Variants in TSGA10IP observed in about 807,000 individuals in gnomAD.
TSGA10IP encodes testis specific 10 interacting protein.
A neutral mutation model predicts 63.2 loss-of-function variants in TSGA10IP; 64 were observed. The observed-to-expected ratio is 1.01, with a 90% CI of 0.83 to 1.25. The LOEUF is 1.25. TSGA10IP is among the 50% of genes most tolerant of loss of function. TSGA10IP has a pLI of 0.00. For synonymous variants in TSGA10IP, 316 were observed against 298.3 expected, an observed-to-expected ratio of 1.06 and a Z score of -0.61; for missense variants, 681 against 710.1, an observed-to-expected ratio of 0.96 and a Z score of 0.47.
exon 1 of TSGA10IP, chr11:65,945,750 CGTG>C: frequency 6.2e-7 from 1 of 1,613,078 alleles, no homozygotes; most frequent in Non-Finnish European, 8.5e-7. Context: ...CAGGGCAGGA[CGTG>C]CGGCTCCAGG....
chr11:65,948,186 G>A, intron 4 of TSGA10IP, 38 bp downstream of exon 4: 3 of 1,579,222 alleles, frequency 1.9e-6, no homozygotes, highest in Non-Finnish European at 2.6e-6. Flanking sequence ...CCCAGAATGA[G>A]AAGTAGAGAT....
At position 65,947,739 on chromosome 11, in the gene TSGA10IP, G is replaced by A. The variant is rs7927841; in HGVS notation, c.914G>A (p.Arg305Gln). ...CCCAGCTTCAACAACCTCCGAAGGC[G>A]ACAATGGAGGAAGACAAGGGCCAAG... The change falls in exon 3 of 8, where the codon CGA becomes CAA. Residue 305 changes from arginine to glutamine, a missense_variant. Coordinates refer to ENST00000532620, the Ensembl canonical transcript of TSGA10IP. 5.4e-3 allele frequency: 8,546 copies of A among 1,590,716 alleles called. 576 individuals carry two copies. In the East Asian group the frequency reaches 0.15, roughly 29 times the overall value.
At chr11:65,954,941 G>A (rs1418475686) in intron 5 of TSGA10IP, among the ~76,000 whole-genome samples, 12 of 152,210 alleles carry the variant, frequency 7.9e-5, no homozygotes, top group Admixed American at 5.2e-4. Context: ...GGTGAGGTCA[G>A]GTATGCAAAG....
intron 5 of TSGA10IP, among the ~76,000 whole-genome samples, chr11:65,956,024 T>C (rs1855017694): frequency 6.6e-6 from 1 of 152,142 alleles, no homozygotes; most frequent in Admixed American, 6.5e-5. Context: ...GGGCATCTTT[T>C]TCTGCACCCT....
chr11:65,958,559 A>C (rs1317551194), intron 5 of TSGA10IP, among the ~76,000 whole-genome samples: 1 of 152,216 alleles, frequency 6.6e-6, no homozygotes, highest in Non-Finnish European at 1.5e-5. Context: ...CTGGAAGCTC[A>C]GAAGCCAGCA....
Position 65,946,998 on chromosome 11 carries a change from GC to G in TSGA10IP, c.267del (p.Ser90LeufsTer80). ...AGGGGCCAGAGCAAGAAAGGACAGG[GC>G]TCTGAAGAGTCTGAAGAGTAAGCAG... On this transcript the variant is annotated frameshift_variant, in exon 2 of 8. Coordinates refer to ENST00000532620, the Ensembl canonical transcript of TSGA10IP. LOFTEE classifies it high-confidence loss of function. 1 of 1,613,994 alleles carries G rather than the reference GC, an allele frequency of 6.2e-7. No individual in the cohort carries two copies. The highest frequency in any genetic ancestry group is 8.5e-7 in the Non-Finnish European group (1 of 1,179,890).
At chr11:65,953,030 CTTT>C (rs543769953) in intron 4 of TSGA10IP, among the ~76,000 whole-genome samples, 7 of 133,634 alleles carry the variant, frequency 5.2e-5, no homozygotes, top group African/African-American at 8.4e-5. Flanking sequence ...TTCTTTCTTT[CTTT>C]TTTTTTTTTT....
chr11:65,947,241 C>T (rs1854852828), exon 3 of TSGA10IP: 4 of 1,610,198 alleles, frequency 2.5e-6, no homozygotes, highest in Non-Finnish European at 3.4e-6. Context: ...CCCATGCCCT[C>T]CTCGTTCTCC....
exon 4 of TSGA10IP, chr11:65,948,037 C>T (rs1854875017): frequency 6.4e-7 from 1 of 1,568,318 alleles, no homozygotes; most frequent in African/African-American, 1.4e-5. Flanking sequence ...TTGAGGGCTG[C>T]CTTCCAGGCC....
intron 4 of TSGA10IP, among the ~76,000 whole-genome samples, chr11:65,949,335 C>G (rs566898065): frequency 1.3e-5 from 2 of 152,108 alleles, no homozygotes; most frequent in African/African-American, 4.8e-5. Flanking sequence ...CACTTAGAGG[C>G]TGGTTCAATA....
chr11:65,955,612 CA>C (rs112447996), intron 5 of TSGA10IP, among the ~76,000 whole-genome samples: 1,776 of 122,168 alleles, frequency 0.015, 23 homozygotes, highest in African/African-American at 0.039. Flanking sequence ...GACTCCGTTT[CA>C]AAAAAAAAAA....
chr11:65,958,922 G>A, exon 6 of TSGA10IP: 1 of 1,613,218 alleles, frequency 6.2e-7, no homozygotes, highest in South Asian at 1.1e-5. Flanking sequence ...ACCAGGCGGA[G>A]CTGCAAGGCA....
Position 65,948,052 on chromosome 11 carries a change from AG to A in TSGA10IP, c.1056del (p.Lys352AsnfsTer89). 6.3e-7 allele frequency: 1 copy of A among 1,576,604 alleles called. No homozygotes were observed. The highest frequency in any genetic ancestry group is 8.6e-7 in the Non-Finnish European group (1 of 1,161,172). On this transcript the variant is annotated frameshift_variant, in exon 4 of 8. Transcript: ENST00000532620. LOFTEE classifies it high-confidence loss of function. ...TTGAGGGCTGCCTTCCAGGCCTCCA[AG>A]CGGAATGGAAAGGCCTATGCCTCGG...
At chr11:65,946,678 G>A (rs563739188) in intron 1 of TSGA10IP, among the ~76,000 whole-genome samples, 2 of 152,214 alleles carry the variant, frequency 1.3e-5, no homozygotes, top group Admixed American at 1.3e-4. Flanking sequence ...CAGGTGATCC[G>A]CCCCCCTTGG....
chr11:65,955,059 A>C (rs1855001456), intron 5 of TSGA10IP, among the ~76,000 whole-genome samples: 1 of 152,156 alleles, frequency 6.6e-6, no homozygotes, highest in African/African-American at 2.4e-5. Flanking sequence ...TTTTACCATC[A>C]AAACGAGGAA....
chr11:65,959,249 G>A, exon 7 of TSGA10IP: 2 of 1,610,086 alleles, frequency 1.2e-6, no homozygotes, highest in Non-Finnish European at 1.7e-6. Context: ...CACTGGGGCT[G>A]GATGAGGAGC....
In TSGA10IP at chr11:65,945,734, T is replaced by C. The variant is rs183731710; in HGVS notation, c.59T>C (p.Val20Ala). The change falls in exon 1 of 8, where the codon GTG becomes GCG. Residue 20 changes from valine to alanine, a missense_variant. Physicochemically the swap from Val to Ala is moderately conservative, Grantham distance 64. Coordinates refer to ENST00000532620, the Ensembl canonical transcript of TSGA10IP. The stretch of plus-strand genomic sequence containing the variant: ...CAACAGTTGGTTAGGACCCCGTCGG[T>C]GCGACCAGGGCAGGACGTGCGGCTC... 106 of 1,610,754 alleles carry C rather than the reference T, an allele frequency of 6.6e-5. No individual in the cohort carries two copies. In the African/African-American group the frequency reaches 1.1e-3, roughly 17 times the overall value.
At chr11:65,958,915 A>G in exon 6 of TSGA10IP, 1 of 1,613,190 alleles carries the variant, frequency 6.2e-7, no homozygotes, top group South Asian at 1.1e-5. Flanking sequence ...GCTGAGTACC[A>G]GGCGGAGCTG....
intron 5 of TSGA10IP, 111 bp downstream of exon 5, chr11:65,953,848 C>A: frequency 2.2e-6 from 2 of 890,922 alleles, no homozygotes; most frequent in Non-Finnish European, 3.1e-6. Flanking sequence ...TGGGGCTAAC[C>A]AGGCCACTTC....
Sources: gnomAD v4.1 joint callset for allele counts (sites outside exome capture counted in the v4.1 genomes callset) on GRCh38, gnomAD v4.1.1 for gene constraint, MANE v1.5 for transcripts, NCBI Gene and HGNC (gene_info 2026-07-23, HGNC 2026-07-21) for gene names.